Variants in STK39 observed in about 807,000 individuals in gnomAD.
STK39 encodes the protein STE20/SPS1-related proline-alanine-rich protein kinase.
STK39 carries 20 observed loss-of-function variants against 77.8 expected under a neutral mutation model. The ratio of observed to expected loss-of-function variants is 0.26; its 90% CI spans 0.18 to 0.37. STK39 has a LOEUF of 0.37. STK39 is among the 10% of genes least tolerant of loss of function. The probability of loss-of-function intolerance (pLI) is 1.00; values close to 1 mark genes in which losing one functional copy is unlikely to be tolerated. For missense variants in STK39, 479 were observed against 656.5 expected (o/e 0.73, Z 2.95); for synonymous variants, 246 against 234.1 (o/e 1.05, Z -0.47).
chr2:168,116,614 A>T (rs987430084), intron 10 of STK39, among the ~76,000 whole-genome samples: 3 of 152,262 alleles, frequency 2.0e-5, no homozygotes, highest in African/African-American at 7.2e-5. Flanking sequence ...CCCAACAATG[A>T]TGTCTCAAAC....
intron 1 of STK39, among the ~76,000 whole-genome samples, chr2:168,240,404 A>G (rs143919580): frequency 1.1e-3 from 169 of 152,364 alleles, no homozygotes; most frequent in African/African-American, 3.9e-3. Context: ...GAATGGAAAA[A>G]AGGAACCTGG....
intron 14 of STK39, among the ~76,000 whole-genome samples, chr2:168,025,391 T>C (rs1034518438): frequency 6.6e-6 from 1 of 152,212 alleles, no homozygotes; most frequent in Admixed American, 6.5e-5. Context: ...ATGATAGTGA[T>C]GGCCCACTAT....
At chr2:168,019,476 T>C (rs4613237) in intron 14 of STK39, among the ~76,000 whole-genome samples, 18,445 of 152,262 alleles carry the variant, frequency 0.12, 2,321 homozygotes, top group African/African-American at 0.31. Context: ...CTTCAGTTAT[T>C]CACAGTGGTT....
intron 12 of STK39, among the ~76,000 whole-genome samples, chr2:168,070,293 T>C (rs116160749): frequency 0.02 from 3,023 of 152,280 alleles, 105 homozygotes; most frequent in African/African-American, 0.069. Flanking sequence ...ATTAAACATC[T>C]GTTTAATTAA....
chr2:168,065,664 C>A (rs1332495347), intron 12 of STK39, among the ~76,000 whole-genome samples: 1 of 152,022 alleles, frequency 6.6e-6, no homozygotes, highest in Non-Finnish European at 1.5e-5. Flanking sequence ...TGTTAAAGAA[C>A]CACTAAGCTA....
At chr2:168,239,733 G>A (rs1690710426) in intron 1 of STK39, among the ~76,000 whole-genome samples, 1 of 152,230 alleles carries the variant, frequency 6.6e-6, no homozygotes, top group African/African-American at 2.4e-5. Context: ...TGCAGGGTAG[G>A]GAGATGAGAG....
chr2:167,963,969 T>C (rs1692074924), intron 17 of STK39, among the ~76,000 whole-genome samples: 1 of 152,238 alleles, frequency 6.6e-6, no homozygotes, highest in South Asian at 2.1e-4. Flanking sequence ...TACTGTTCGC[T>C]AAAATTTTTT....
chr2:168,051,106 G>A (rs1685384238), intron 14 of STK39, among the ~76,000 whole-genome samples: 1 of 152,188 alleles, frequency 6.6e-6, no homozygotes, highest in Non-Finnish European at 1.5e-5. Flanking sequence ...TATGGTAACG[G>A]AGAACTGAAA....
At chr2:168,024,848 G>A (rs1488190374) in intron 14 of STK39, among the ~76,000 whole-genome samples, 2 of 152,164 alleles carry the variant, frequency 1.3e-5, no homozygotes, top group African/African-American at 2.4e-5. Flanking sequence ...GGCTTAGAAA[G>A]GATAAAGAAT....
chr2:167,998,987 T>C (rs936172534), intron 16 of STK39, among the ~76,000 whole-genome samples: 3 of 152,228 alleles, frequency 2.0e-5, no homozygotes, highest in African/African-American at 4.8e-5. Context: ...ATTTATACTT[T>C]AACTACAAAG....
chr2:168,221,683 T>C (rs1574568685), intron 1 of STK39, among the ~76,000 whole-genome samples: 1 of 152,110 alleles, frequency 6.6e-6, no homozygotes, highest in Non-Finnish European at 1.5e-5. Flanking sequence ...CCTCAAAGGG[T>C]ATAATCATTT....
chr2:168,199,309 A>T (rs1689551826), intron 1 of STK39, among the ~76,000 whole-genome samples: 1 of 152,186 alleles, frequency 6.6e-6, no homozygotes, highest in Admixed American at 6.5e-5. Flanking sequence ...TTAACTTGTG[A>T]GTCCCAACCT....
At chr2:167,960,016 C>T (rs10201928) in intron 17 of STK39, among the ~76,000 whole-genome samples, 27,716 of 152,134 alleles carry the variant, frequency 0.18, 2,654 homozygotes, top group East Asian at 0.26. Flanking sequence ...GTTCAGAACA[C>T]GCTACCCCAA....
intron 14 of STK39, among the ~76,000 whole-genome samples, chr2:168,036,791 C>A (rs1302589172): frequency 6.6e-6 from 1 of 152,162 alleles, no homozygotes; most frequent in Admixed American, 6.5e-5. Flanking sequence ...TAGGCGCATG[C>A]TCCAAGTCTT....
chr2:168,169,363 T>C (rs1005960757), intron 2 of STK39, among the ~76,000 whole-genome samples: 1 of 152,204 alleles, frequency 6.6e-6, no homozygotes, highest in African/African-American at 2.4e-5. Flanking sequence ...TTTAAACAGA[T>C]GCCTAGTGTT....
chr2:168,176,352 G>A (rs2105617805), intron 2 of STK39, among the ~76,000 whole-genome samples: 1 of 152,166 alleles, frequency 6.6e-6, no homozygotes, highest in East Asian at 1.9e-4. Context: ...CTGACTGGAG[G>A]AACTGCTCAG....
chr2:168,244,000 G>C (rs1340360330), intron 1 of STK39, among the ~76,000 whole-genome samples: 2 of 152,090 alleles, frequency 1.3e-5, no homozygotes, highest in Non-Finnish European at 2.9e-5. Flanking sequence ...CAAAAAGACA[G>C]AAATATTTGA....
chr2:168,025,309 G>C (rs1684668334), intron 14 of STK39, among the ~76,000 whole-genome samples: 1 of 152,300 alleles, frequency 6.6e-6, no homozygotes, highest in Non-Finnish European at 1.5e-5. Flanking sequence ...AAAAGGCACA[G>C]CATCTCCAAA....
At chr2:168,061,636 A>G (rs1685668083) in intron 14 of STK39, among the ~76,000 whole-genome samples, 1 of 152,236 alleles carries the variant, frequency 6.6e-6, no homozygotes, top group African/African-American at 2.4e-5. Flanking sequence ...AAAATATAAC[A>G]AAGGCAGATA....
Sources: allele counts gnomAD v4.1 joint callset (sites outside exome capture counted in the v4.1 genomes callset), GRCh38; gene constraint gnomAD v4.1.1; transcripts MANE v1.5; gene names NCBI Gene and HGNC (gene_info 2026-07-23, HGNC 2026-07-21).